The following CMTM8 variants were observed in gnomAD, a reference collection of about 807,000 sequenced individuals.
CMTM8 encodes CKLF-like MARVEL transmembrane domain-containing protein 8.
Under a neutral mutation model 18.6 loss-of-function variants are expected in CMTM8, and 12 were observed. The observed-to-expected ratio is 0.65, with a 90% CI of 0.41 to 1.05. The LOEUF (loss-of-function observed/expected upper bound fraction) is 1.05. Ranked by LOEUF, CMTM8 falls within the 50% of genes least tolerant of loss-of-function variation. CMTM8 has a pLI of 0.00. For missense variants in CMTM8, 217 were observed against 227.2 expected, an observed-to-expected ratio of 0.95 and a Z score of 0.29; for synonymous variants, 87 against 90.6, an observed-to-expected ratio of 0.96 and a Z score of 0.23.
chr3:32,273,469 A>G (rs1019894076), intron 1 of CMTM8, among the ~76,000 whole-genome samples: 3 of 152,240 alleles, frequency 2.0e-5, no homozygotes, highest in Admixed American at 6.5e-5. Flanking sequence ...TGAATGGATA[A>G]ACAGAATACC....
At chr3:32,298,914 T>TACACACAC (rs35844853) in intron 1 of CMTM8, among the ~76,000 whole-genome samples, 230 of 131,420 alleles carry the variant, frequency 1.8e-3, no homozygotes, top group African/African-American at 6.2e-3. Context: ...CACACACACA[T>TACACACAC]ACACACACAC....
intron 1 of CMTM8, among the ~76,000 whole-genome samples, chr3:32,278,162 T>C (rs1559368122): frequency 6.6e-6 from 1 of 152,232 alleles, no homozygotes; most frequent in Non-Finnish European, 1.5e-5. Flanking sequence ...AGAGGATCCC[T>C]TTCTTCAAGA....
At chr3:32,291,248 C>T (rs1186535976) in intron 1 of CMTM8, among the ~76,000 whole-genome samples, 2 of 152,072 alleles carry the variant, frequency 1.3e-5, no homozygotes, top group East Asian at 3.9e-4. Context: ...CCTGCCTCAG[C>T]CTCCTGAGTA....
At chr3:32,254,303 C>T (rs1575146638) in intron 1 of CMTM8, among the ~76,000 whole-genome samples, 2 of 152,318 alleles carry the variant, frequency 1.3e-5, no homozygotes, top group African/African-American at 2.4e-5. Context: ...ATAATTGCCA[C>T]TTCTAATTCC....
chr3:32,274,239 G>A (rs1046952717), intron 1 of CMTM8, among the ~76,000 whole-genome samples: 1 of 151,744 alleles, frequency 6.6e-6, no homozygotes, highest in African/African-American at 2.4e-5. Flanking sequence ...GAGCCCAGGA[G>A]GTTAAGGCTG....
intron 2 of CMTM8, among the ~76,000 whole-genome samples, chr3:32,364,265 G>A (rs3853714): frequency 0.38 from 58,500 of 152,062 alleles, 11,557 homozygotes; most frequent in Middle Eastern, 0.54. Context: ...AGCACTTTGG[G>A]AGGCTGAGGC....
chr3:32,347,917 G>A (rs938050695), intron 1 of CMTM8, among the ~76,000 whole-genome samples: 5 of 152,060 alleles, frequency 3.3e-5, no homozygotes, highest in Non-Finnish European at 7.4e-5. Context: ...GTTCCAGTCT[G>A]GTTACCTTCT....
chr3:32,318,082 TG>T (rs1279717742), intron 1 of CMTM8, among the ~76,000 whole-genome samples: 6 of 137,590 alleles, frequency 4.4e-5, no homozygotes, highest in Non-Finnish European at 9.5e-5. Flanking sequence ...AAAAAAAGAA[TG>T]CGTTCTAAGT....
intron 1 of CMTM8, among the ~76,000 whole-genome samples, chr3:32,269,961 C>T (rs7632863): frequency 0.14 from 20,774 of 150,788 alleles, 2,248 homozygotes; most frequent in African/African-American, 0.3. Context: ...TTTTTTGAGA[C>T]GGGGGTCTCA....
At chr3:32,335,972 C>A (rs76833610) in intron 1 of CMTM8, among the ~76,000 whole-genome samples, 1 of 152,186 alleles carries the variant, frequency 6.6e-6, no homozygotes, top group African/African-American at 2.4e-5. Context: ...CAGAAAGCAG[C>A]CCTGACCAAG....
chr3:32,265,809 G>C (rs1480009854), intron 1 of CMTM8, among the ~76,000 whole-genome samples: 1 of 152,206 alleles, frequency 6.6e-6, no homozygotes, highest in Non-Finnish European at 1.5e-5. Flanking sequence ...ACTACCATCA[G>C]AGAATACTAT....
At chr3:32,291,773 A>G (rs1432779385) in intron 1 of CMTM8, among the ~76,000 whole-genome samples, 1 of 152,150 alleles carries the variant, frequency 6.6e-6, no homozygotes, top group Non-Finnish European at 1.5e-5. Flanking sequence ...TGCCTAGTGT[A>G]TGGTCTGTTA....
At chr3:32,292,717 G>T (rs12152479) in intron 1 of CMTM8, among the ~76,000 whole-genome samples, 26,955 of 151,858 alleles carry the variant, frequency 0.18, 2,401 homozygotes, top group South Asian at 0.26. Flanking sequence ...GTGCATTGTG[G>T]GATGCTTAGC....
At chr3:32,321,340 G>A (rs1512022) in intron 1 of CMTM8, among the ~76,000 whole-genome samples, 11,992 of 152,184 alleles carry the variant, frequency 0.079, 496 homozygotes, top group Middle Eastern at 0.11. Flanking sequence ...TCACCCGGGT[G>A]TGCACGTGCG....
intron 1 of CMTM8, among the ~76,000 whole-genome samples, chr3:32,276,023 C>T (rs1702511799): frequency 6.6e-6 from 1 of 152,190 alleles, no homozygotes; most frequent in Non-Finnish European, 1.5e-5. Flanking sequence ...TTATCCTTTG[C>T]TGTCATCCAT....
At chr3:32,344,431 C>A (rs1271457412) in intron 1 of CMTM8, among the ~76,000 whole-genome samples, 2 of 152,134 alleles carry the variant, frequency 1.3e-5, no homozygotes, top group Non-Finnish European at 1.5e-5. Context: ...CCTGCCCCAC[C>A]AATAGTGCCT....
At chr3:32,311,791 A>G (rs918893471) in intron 1 of CMTM8, among the ~76,000 whole-genome samples, 2 of 152,222 alleles carry the variant, frequency 1.3e-5, no homozygotes, top group Non-Finnish European at 2.9e-5. Context: ...TTGAAGTCTC[A>G]GTCCCACCAG....
At chr3:32,328,549 G>GAAA (rs1274680775) in intron 1 of CMTM8, among the ~76,000 whole-genome samples, 2 of 73,124 alleles carry the variant, frequency 2.7e-5, no homozygotes, top group East Asian at 4.2e-4. Flanking sequence ...GACCAAAAAA[G>GAAA]AAAAAAAAAA....
chr3:32,240,015 A>G (rs1192026846), intron 1 of CMTM8, among the ~76,000 whole-genome samples: 3 of 152,230 alleles, frequency 2.0e-5, no homozygotes, highest in African/African-American at 4.8e-5. Context: ...CATAACTGCA[A>G]GCAGTTGAGA....
Sources: gnomAD v4.1 joint callset for allele counts (sites outside exome capture counted in the v4.1 genomes callset) on GRCh38, gnomAD v4.1.1 for gene constraint, MANE v1.5 for transcripts, NCBI Gene and HGNC (gene_info 2026-07-23, HGNC 2026-07-21) for gene names.